RANGAP1: variants seen among roughly 807,000 people sequenced by gnomAD.
The protein encoded by RANGAP1 is Ran GTPase activating protein 1.
A neutral mutation model predicts 63.5 loss-of-function variants in RANGAP1; 38 were observed. That is an observed-to-expected ratio of 0.60 (90% CI 0.46 to 0.78). RANGAP1 has a LOEUF of 0.78. RANGAP1 is among the 30% of genes least tolerant of loss of function. The probability of loss-of-function intolerance (pLI) is 0.00; values close to 1 mark genes in which losing one functional copy is unlikely to be tolerated. For missense variants in RANGAP1, 630 were observed against 740.3 expected (o/e 0.85, Z 1.73); for synonymous variants, 329 against 310.5 (o/e 1.06, Z -0.63).
chr22:41,277,846 C>T (rs2035246581), intron 2 of RANGAP1, among the ~76,000 whole-genome samples: 1 of 152,156 alleles, frequency 6.6e-6, no homozygotes, highest in African/African-American at 2.4e-5. Flanking sequence ...CACTTGTTTT[C>T]ATAGAGTATA....
At chr22:41,270,907 A>G (rs1302878226) in intron 3 of RANGAP1, among the ~76,000 whole-genome samples, 1 of 150,314 alleles carries the variant, frequency 6.7e-6, no homozygotes, top group African/African-American at 2.4e-5. Flanking sequence ...GGTCATTCGG[A>G]ACAAAGCTCC....
intron 2 of RANGAP1, among the ~76,000 whole-genome samples, chr22:41,278,454 A>G (rs2035289475): frequency 1.3e-5 from 2 of 152,214 alleles, no homozygotes; most frequent in Admixed American, 1.3e-4. Flanking sequence ...ATCTATCTCA[A>G]AGGATTTTGT....
intron 2 of RANGAP1, chr22:41,280,595 G>A: frequency 8.6e-7 from 1 of 1,160,954 alleles, no homozygotes; most frequent in Non-Finnish European, 1.2e-6. Context: ...GGGGTTAAGG[G>A]CAAGGGTGGG....
intron 2 of RANGAP1, chr22:41,277,341 C>G (rs567030225): frequency 4.2e-5 from 21 of 505,288 alleles, no homozygotes; most frequent in Non-Finnish European, 4.8e-5. Context: ...GCCTCCCAAA[C>G]TGCTGGGATT....
the RANGAP1 span, among the ~76,000 whole-genome samples, chr22:41,294,133 G>C: frequency 6.6e-6 from 1 of 152,236 alleles, no homozygotes; most frequent in South Asian, 2.1e-4. Flanking sequence ...TGCCATCTCG[G>C]CTCACTGCAA....
rs2145716361 is a variant in RANGAP1, at chr22:41,256,273, G to A, written c.906C>T (p.Phe302=). The A allele has an allele frequency of 1.2e-6, 2 of 1,614,118 alleles. No homozygotes were observed. The highest frequency in any genetic ancestry group is 1.6e-4 in the Middle Eastern group (1 of 6,062). Residue 302 remains phenylalanine (F), a synonymous_variant, in exon 9 of 16, where the codon TTC becomes TTT. Transcript: ENST00000356244. ...GGGCAGCATCCCTCTTGATTTCACA[G>A]AATGACAAGTTCAGCTCCTGAAAAT... The part of the protein sequence containing the change: ...LPKLKELNLS[F]CEIKRDAALA...
At chr22:41,260,576 G>A (rs1305459851) in intron 6 of RANGAP1, among the ~76,000 whole-genome samples, 1 of 152,202 alleles carries the variant, frequency 6.6e-6, no homozygotes, top group African/African-American at 2.4e-5. Flanking sequence ...GGCCGGACGT[G>A]GTGGCTCACG....
chr22:41,266,006 T>C (rs1029848001), intron 4 of RANGAP1, among the ~76,000 whole-genome samples: 1 of 151,882 alleles, frequency 6.6e-6, no homozygotes, highest in Non-Finnish European at 1.5e-5. Context: ...ATCGAGACCA[T>C]CCTGGCTAAC....
intron 3 of RANGAP1, among the ~76,000 whole-genome samples, chr22:41,271,920 A>G (rs2034860116): frequency 6.6e-6 from 1 of 152,184 alleles, no homozygotes; most frequent in South Asian, 2.1e-4. Flanking sequence ...TCCTGCACAG[A>G]GGAGGGCCTA....
At chr22:41,295,671 C>T in the RANGAP1 span, among the ~76,000 whole-genome samples, 17 of 142,362 alleles carry the variant, frequency 1.2e-4, no homozygotes, top group East Asian at 4.1e-4. Context: ...TCCCCCTCTG[C>T]GAGAAACACC....
intron 2 of RANGAP1, among the ~76,000 whole-genome samples, chr22:41,280,176 C>G (rs978646321): frequency 6.6e-6 from 1 of 152,094 alleles, no homozygotes; most frequent in Non-Finnish European, 1.5e-5. Flanking sequence ...TGCATCAGCA[C>G]GCTCCCAGCT....
chr22:41,276,703 C>T (rs184050839), intron 2 of RANGAP1, among the ~76,000 whole-genome samples: 25 of 147,448 alleles, frequency 1.7e-4, no homozygotes, highest in African/African-American at 2.8e-4. Flanking sequence ...CTAGGCTGGG[C>T]GCGGTGGCTC....
At chr22:41,279,253 T>C (rs996992156) in intron 2 of RANGAP1, among the ~76,000 whole-genome samples, 13 of 152,208 alleles carry the variant, frequency 8.5e-5, no homozygotes, top group African/African-American at 2.2e-4. Flanking sequence ...GCGAATCACC[T>C]GAGGTCAGGA....
At chr22:41,282,995 T>A (rs949216862) in intron 1 of RANGAP1, among the ~76,000 whole-genome samples, 4 of 152,162 alleles carry the variant, frequency 2.6e-5, no homozygotes, top group African/African-American at 9.7e-5. Flanking sequence ...AGGCTTCCTC[T>A]GGGTTCTAAC....
intron 6 of RANGAP1, among the ~76,000 whole-genome samples, chr22:41,259,436 A>T (rs547746035): frequency 5.3e-5 from 8 of 152,220 alleles, no homozygotes; most frequent in African/African-American, 1.9e-4. Flanking sequence ...TGTTTTTTTA[A>T]AATTTTAAGA....
chr22:41,249,489 A>T (rs770273500), intron 14 of RANGAP1, 38 bp from the exon 15 acceptor site: 2 of 1,519,484 alleles, frequency 1.3e-6, no homozygotes, highest in Non-Finnish European at 1.7e-6. Context: ...TGAGCTTCAA[A>T]GTCACCTGGG....
In RANGAP1 at chr22:41,257,309, G is replaced by A. The variant is rs1380142628; in HGVS notation, c.775-485C>T. ...GGGGCCACGGGACCCTGGCAGCCAAGAAGCCACTGCGTTCAGAGCCCAGCA... is the reference window on the plus strand; with the variant it reads ...GGGGCCACGGGACCCTGGCAGCCAAAAAGCCACTGCGTTCAGAGCCCAGCA... On this transcript the variant is annotated intron_variant, in intron 7 of 15. Transcript: ENST00000356244. This position sits in a 1 kb window ranked among gnomAD's most constrained non-coding sequence, Gnocchi z 4.0. Among the ~76,000 whole-genome samples the A allele has an allele frequency of 6.6e-6, 1 of 152,218 alleles. No homozygotes were observed. Among genetic ancestry groups the A allele is most frequent in the African/African-American group, 2.4e-5 (1 of 41,466 alleles).
the RANGAP1 span, among the ~76,000 whole-genome samples, chr22:41,293,846 A>T: frequency 6.6e-6 from 1 of 151,222 alleles, no homozygotes; most frequent in Non-Finnish European, 1.5e-5. Flanking sequence ...TTTGGTGGAT[A>T]TGGGGTCTCA....
At chr22:41,252,500 G>C (rs530382262) in intron 12 of RANGAP1, among the ~76,000 whole-genome samples, 1 of 152,206 alleles carries the variant, frequency 6.6e-6, no homozygotes, top group African/African-American at 2.4e-5. Flanking sequence ...TCCTGCAATA[G>C]GCACGTCACT....
Sources: allele counts gnomAD v4.1 joint callset (sites outside exome capture counted in the v4.1 genomes callset), GRCh38; gene constraint gnomAD v4.1.1; non-coding constraint Gnocchi (gnomAD v3.1); transcripts MANE v1.5; gene names NCBI Gene and HGNC (gene_info 2026-07-23, HGNC 2026-07-21).